ARSB: variants seen among roughly 807,000 people sequenced by gnomAD.
ARSB encodes the protein arylsulfatase B.
In ARSB, 41 loss-of-function variants were observed where a neutral mutation model predicts 50.9. The ratio of observed to expected loss-of-function variants is 0.81; its 90% confidence interval spans 0.63 to 1.04. ARSB has a LOEUF of 1.04. ARSB is among the 50% of genes least tolerant of loss of function. ARSB has a pLI of 0.00. For missense variants in ARSB, 672 were observed against 693.3 expected, an observed-to-expected ratio of 0.97 and a Z score of 0.35; for synonymous variants, 269 against 284.8, an observed-to-expected ratio of 0.94 and a Z score of 0.56.
chr5:78,943,131 T>C (rs1354696110), intron 4 of ARSB, among the ~76,000 whole-genome samples: 1 of 152,234 alleles, frequency 6.6e-6, no homozygotes, highest in African/African-American at 2.4e-5. Context: ...TTCATTTGCT[T>C]GGTAGATCTT....
intron 1 of ARSB, among the ~76,000 whole-genome samples, chr5:78,981,636 CCT>C (rs1038394182): frequency 6.6e-6 from 1 of 152,228 alleles, no homozygotes; most frequent in African/African-American, 2.4e-5. Flanking sequence ...CAGCCCAACT[CCT>C]CTGTTTCACA....
chr5:78,977,207 G>T (rs937688077), intron 1 of ARSB, among the ~76,000 whole-genome samples: 5 of 148,302 alleles, frequency 3.4e-5, no homozygotes, highest in African/African-American at 1.3e-4. Flanking sequence ...AGGCTGGAGT[G>T]CAGTGGCGCA....
chr5:78,800,627 G>A lies in ARSB; in HGVS notation c.1214-18653C>T, dbSNP rs191154820. Among the ~76,000 whole-genome samples the A allele has an allele frequency of 2.0e-5, 3 of 152,252 alleles. 1 individual carries two copies. Among genetic ancestry groups the A allele is most frequent in the Admixed American group, 2.0e-4 (3 of 15,300 alleles). ...CATTAAATTAATTAATAATTTTTTG[G>A]AGGGTGTGCAAGGTACTGTTTTAGA... On this transcript the variant is annotated intron_variant, in intron 6 of 7. Transcript: ENST00000264914.
At chr5:78,972,300 C>T (rs376964763) in intron 1 of ARSB, among the ~76,000 whole-genome samples, 1 of 152,166 alleles carries the variant, frequency 6.6e-6, no homozygotes, top group East Asian at 1.9e-4. Context: ...TTCTTCTCTT[C>T]TGGTCTAGGA....
chr5:78,853,218 G>A, intron 5 of ARSB, among the ~76,000 whole-genome samples: 1 of 152,146 alleles, frequency 6.6e-6, no homozygotes, highest in East Asian at 1.9e-4. Context: ...TGATGGTGAT[G>A]TACAGATGGG....
At chr5:78,982,949 C>T (rs1486231074) in intron 1 of ARSB, among the ~76,000 whole-genome samples, 1 of 152,176 alleles carries the variant, frequency 6.6e-6, no homozygotes, top group Non-Finnish European at 1.5e-5. Flanking sequence ...ACTTCATAAC[C>T]ATGGGGTACT....
chr5:78,841,184 T>G (rs1298271034), intron 5 of ARSB, among the ~76,000 whole-genome samples: 1 of 150,694 alleles, frequency 6.6e-6, no homozygotes, highest in Non-Finnish European at 1.5e-5. Context: ...ATAATAATAA[T>G]TTGAGCATGG....
chr5:78,889,840 C>T lies in ARSB; in HGVS notation c.899-4013G>A, dbSNP rs16876043. Reference sequence around the variant, plus strand: ...TTGGCCGTGGAGGGCTGCCCTGAAACATCATCTCTACCCCAACATCCCTGT... The same window carrying T: ...TTGGCCGTGGAGGGCTGCCCTGAAATATCATCTCTACCCCAACATCCCTGT... On this transcript the variant is annotated intron_variant, in intron 4 of 7. Coordinates refer to ENST00000264914, the MANE Select transcript of ARSB (RefSeq NM_000046.5). Among the ~76,000 whole-genome samples, 1,261 of 152,278 alleles carry T rather than the reference C, an allele frequency of 8.3e-3. 18 individuals carry two copies. The highest frequency in any genetic ancestry group is 0.029 in the African/African-American group (1,201 of 41,540).
intron 4 of ARSB, among the ~76,000 whole-genome samples, chr5:78,932,041 C>A (rs938232845): frequency 9.9e-5 from 15 of 152,150 alleles, no homozygotes; most frequent in African/African-American, 3.6e-4. Context: ...TATAAATTAC[C>A]CAGCTCAGGT....
At position 78,866,916 on chromosome 5, in the gene ARSB, C is replaced by T. The variant is rs144034530; in HGVS notation, c.1142+18668G>A. Among the ~76,000 whole-genome samples the T allele has an allele frequency of 2.5e-3, 386 of 152,336 alleles. 1 individual carries two copies. The highest frequency in any genetic ancestry group is 8.8e-3 in the African/African-American group (368 of 41,586). The stretch of plus-strand genomic sequence containing the variant: ...TTTCCATCTGAGGTACCGGGTTCAT[C>T]TCACCAGGGAGTGCAAGACAGTGGG... On this transcript the variant is annotated intron_variant, in intron 5 of 7. Coordinates refer to ENST00000264914, the MANE Select transcript of ARSB (RefSeq NM_000046.5).
At chr5:78,872,811 ATAATT>A (rs1484759645) in intron 5 of ARSB, among the ~76,000 whole-genome samples, 1 of 107,564 alleles carries the variant, frequency 9.3e-6, no homozygotes, top group Non-Finnish European at 1.9e-5. Flanking sequence ...AACTTAAAGT[ATAATT>A]AAAAAAAAAA....
At chr5:78,857,617 A>T (rs985814862) in intron 5 of ARSB, among the ~76,000 whole-genome samples, 19 of 152,208 alleles carry the variant, frequency 1.2e-4, no homozygotes, top group African/African-American at 4.3e-4. Flanking sequence ...AACAAAGCAG[A>T]GCTCTCTAAT....
At chr5:78,950,769 G>GC (rs1751463155) in intron 4 of ARSB, among the ~76,000 whole-genome samples, 1 of 152,138 alleles carries the variant, frequency 6.6e-6, no homozygotes, top group Non-Finnish European at 1.5e-5. Flanking sequence ...AATCAACCAG[G>GC]AAACAGTGAC....
chr5:78,850,251 G>C (rs914128963), intron 5 of ARSB, among the ~76,000 whole-genome samples: 6 of 152,250 alleles, frequency 3.9e-5, no homozygotes, highest in Non-Finnish European at 8.8e-5. Flanking sequence ...CTAATTTATT[G>C]AGAGTTTTTA....
intron 5 of ARSB, among the ~76,000 whole-genome samples, chr5:78,841,165 C>CTAATAATAATAATAATAA (rs760097028): frequency 5.4e-4 from 53 of 98,272 alleles, no homozygotes; most frequent in South Asian, 4.8e-3. Flanking sequence ...ACTACTACTA[C>CTAATAATAATAATAATAA]TACTAATAAT....
chr5:78,812,530 G>T (rs564112237), intron 6 of ARSB, among the ~76,000 whole-genome samples: 1 of 150,666 alleles, frequency 6.6e-6, no homozygotes, highest in African/African-American at 2.4e-5. Flanking sequence ...CGATTAAAAT[G>T]ACCCCAAATA....
intron 1 of ARSB, among the ~76,000 whole-genome samples, chr5:78,977,475 C>A (rs1752719459): frequency 6.6e-6 from 1 of 152,122 alleles, no homozygotes; most frequent in African/African-American, 2.4e-5. Flanking sequence ...ATTTCACTTC[C>A]CTCTTGGTTA....
At chr5:78,828,247 G>C (rs894983799) in intron 6 of ARSB, among the ~76,000 whole-genome samples, 1 of 142,704 alleles carries the variant, frequency 7.0e-6, no homozygotes. Flanking sequence ...AAAATTTTGA[G>C]CTTTTCTGTA....
At chr5:78,938,351 G>A (rs575613327) in intron 4 of ARSB, among the ~76,000 whole-genome samples, 1 of 152,298 alleles carries the variant, frequency 6.6e-6, no homozygotes, top group Non-Finnish European at 1.5e-5. Flanking sequence ...ACATTAACAG[G>A]TGAAATCTAA....
Sources: allele counts gnomAD v4.1 joint callset (sites outside exome capture counted in the v4.1 genomes callset), GRCh38; gene constraint gnomAD v4.1.1; transcripts MANE v1.5; gene names NCBI Gene and HGNC (gene_info 2026-07-23, HGNC 2026-07-21).